The following ABCA5 variants were observed in gnomAD, a reference collection of about 807,000 sequenced individuals.
ABCA5 encodes the protein cholesterol transporter ABCA5.
In ABCA5, 163 loss-of-function variants were observed where a neutral mutation model predicts 206.0. That is an observed-to-expected ratio of 0.79 (90% CI 0.70 to 0.90). The LOEUF is 0.90. ABCA5 is among the 40% of genes least tolerant of loss of function. The pLI is 0.00. For missense variants in ABCA5, 1,859 were observed against 1,912.9 expected (o/e 0.97, Z 0.53); for synonymous variants, 609 against 613.8 (o/e 0.99, Z 0.11).
intron 38 of ABCA5, among the ~76,000 whole-genome samples, 200 bp from the exon 39 acceptor site, chr17:69,247,844 T>C (rs923522947): frequency 1.2e-4 from 18 of 152,200 alleles, no homozygotes; most frequent in South Asian, 2.1e-4. Flanking sequence ...TTAATAGATA[T>C]GTTTTTTAAA....
intron 32 of ABCA5, 70 bp from the exon 33 acceptor site, chr17:69,253,939 C>T: frequency 1.5e-6 from 2 of 1,293,158 alleles, no homozygotes; most frequent in Non-Finnish European, 2.2e-6. Flanking sequence ...TGGGTGTGAT[C>T]CCTGATGTTG....
At chr17:69,306,201 T>A (rs1293981977) in intron 6 of ABCA5, among the ~76,000 whole-genome samples, 1 of 152,132 alleles carries the variant, frequency 6.6e-6, no homozygotes, top group East Asian at 1.9e-4. Context: ...CTCATTTCTT[T>A]CTCTAAAATT....
chr17:69,296,971 C>A (rs1298929092), intron 10 of ABCA5, among the ~76,000 whole-genome samples: 1 of 152,052 alleles, frequency 6.6e-6, no homozygotes, highest in Non-Finnish European at 1.5e-5. Flanking sequence ...TCTCAAAAAA[C>A]AGAAAGAAAG....
At chr17:69,300,013 G>A (rs1448933508) in intron 9 of ABCA5, among the ~76,000 whole-genome samples, 2 of 152,158 alleles carry the variant, frequency 1.3e-5, no homozygotes, top group Admixed American at 1.3e-4. Context: ...AGCAAGGATA[G>A]TTTCAGGATG....
At chr17:69,318,841 C>T in intron 1 of ABCA5, 2 of 703,824 alleles carry the variant, frequency 2.8e-6, no homozygotes, top group Admixed American at 3.5e-5. Context: ...GATTTGATCC[C>T]TTTATGAATC....
chr17:69,310,648 T>A (rs1359299711), intron 3 of ABCA5, among the ~76,000 whole-genome samples: 1 of 152,226 alleles, frequency 6.6e-6, no homozygotes, highest in African/African-American at 2.4e-5. Context: ...TTCTTTCTCA[T>A]CAGATAAGAC....
At chr17:69,286,161 A>G (rs2075449597) in intron 16 of ABCA5, 60 bp downstream of exon 16, 1 of 1,554,602 alleles carries the variant, frequency 6.4e-7, no homozygotes. Flanking sequence ...CAAGCCTCCA[A>G]CATAATAACA....
At chr17:69,273,696 T>C (rs1433509085) in intron 20 of ABCA5, among the ~76,000 whole-genome samples, 1 of 152,112 alleles carries the variant, frequency 6.6e-6, no homozygotes, top group Non-Finnish European at 1.5e-5. Context: ...CCTCAGGTGA[T>C]CCACCCGCCT....
chr17:69,252,016 A>ACTTTTATATTCTTTTTTTTTTTTT (rs71144665), intron 34 of ABCA5, 150 bp from the exon 35 acceptor site: 3 of 522,848 alleles, frequency 5.7e-6, no homozygotes, highest in African/African-American at 4.0e-5. Context: ...CCCAACTATG[A>ACTTTTATATTCTTTTTTTTTTTTT]TTTTTTTTTT....
At chr17:69,302,958 A>C in intron 7 of ABCA5, 52 bp from the exon 8 acceptor site, 1 of 983,132 alleles carries the variant, frequency 1.0e-6, no homozygotes, top group Middle Eastern at 3.3e-4. Context: ...TACCAGTATG[A>C]AAACAAAATT....
chr17:69,299,933 G>C (rs2075634249), intron 9 of ABCA5, among the ~76,000 whole-genome samples: 1 of 152,208 alleles, frequency 6.6e-6, no homozygotes, highest in Non-Finnish European at 1.5e-5. Flanking sequence ...CAATGGTCTA[G>C]ACTAGTGGTC....
At chr17:69,304,076 G>A (rs1037143024) in intron 7 of ABCA5, 5 of 150,398 alleles carry the variant, frequency 3.3e-5, no homozygotes, top group African/African-American at 1.2e-4. Context: ...AAAAAAACCA[G>A]GCAATTACAT....
chr17:69,325,632 G>A (rs577097598), intron 1 of ABCA5: 9 of 152,058 alleles, frequency 5.9e-5, no homozygotes, highest in Non-Finnish European at 1.3e-4. Flanking sequence ...GAATGTAAAA[G>A]ACATGCAACA....
intron 3 of ABCA5, among the ~76,000 whole-genome samples, chr17:69,309,684 T>A (rs2075751540): frequency 6.6e-6 from 1 of 151,780 alleles, no homozygotes; most frequent in Non-Finnish European, 1.5e-5. Context: ...CTCCAAAAAA[T>A]AAAAAAATTA....
chr17:69,256,580 T>G (rs2075084658), intron 28 of ABCA5, among the ~76,000 whole-genome samples: 1 of 151,382 alleles, frequency 6.6e-6, no homozygotes, highest in Admixed American at 6.6e-5. Flanking sequence ...CTCAGCCTCC[T>G]GAGTAGCTGG....
intron 24 of ABCA5, among the ~76,000 whole-genome samples, chr17:69,263,989 C>T (rs1423058788): frequency 6.6e-6 from 1 of 152,100 alleles, no homozygotes; most frequent in African/African-American, 2.4e-5. Flanking sequence ...AGCCCCCGCG[C>T]CCAGCTTATG....
Position 69,307,773 on chromosome 17 carries a change from A to C in ABCA5, c.558+507T>G, listed in dbSNP as rs1168105444. Among the ~76,000 whole-genome samples, 13 of 152,140 alleles carry C rather than the reference A, an allele frequency of 8.5e-5. No individual in the cohort carries two copies. The East Asian group carries it at 2.5e-3, about 29-fold the overall frequency. The stretch of plus-strand genomic sequence containing the variant: ...ACTACATAGCAGTGTAACAACAGAG[A>C]CAAGACTCCTGTTCAGATTTTGATT... On this transcript the variant is annotated intron_variant, in intron 5 of 38. Coordinates refer to ENST00000392676, the MANE Select transcript of ABCA5 (RefSeq NM_172232.4).
In ABCA5 at chr17:69,274,036, A is replaced by G. The variant is rs1484884805; in HGVS notation, c.2687T>C (p.Val896Ala). ...FKNAVVPIKL[V>A]PDLYFLKPGD... ...AGGTTTTAGAAAATATAAGTCTGGA[A>G]CAAGTTTGATGGGAACCACAGCATT... Residue 896 changes from valine (V) to alanine (A), a missense_variant, in exon 20 of 39, where the codon GTT (valine) becomes GCT (alanine). Coordinates refer to ENST00000392676, the MANE Select transcript of ABCA5 (RefSeq NM_172232.4). 2 of 1,612,336 alleles carry G rather than the reference A, an allele frequency of 1.2e-6. No homozygotes were observed. Among genetic ancestry groups the G allele is most frequent in the East Asian group, 4.5e-5 (2 of 44,870 alleles).
At chr17:69,266,678 T>A (rs2075212881) in intron 23 of ABCA5, among the ~76,000 whole-genome samples, 3 of 148,726 alleles carry the variant, frequency 2.0e-5, no homozygotes, top group Non-Finnish European at 4.5e-5. Flanking sequence ...AATGCAAATG[T>A]CCAGTAAATT....
Sources: allele counts gnomAD v4.1 joint callset (sites outside exome capture counted in the v4.1 genomes callset), GRCh38; gene constraint gnomAD v4.1.1; transcripts MANE v1.5; gene names NCBI Gene and HGNC (gene_info 2026-07-23, HGNC 2026-07-21).